KIF6: variants seen among roughly 807,000 people sequenced by gnomAD.
The protein encoded by KIF6 is kinesin-like protein KIF6.
Under a neutral mutation model 112.7 loss-of-function variants are expected in KIF6, and 106 were observed. The ratio of observed to expected loss-of-function variants is 0.94; its 90% CI spans 0.80 to 1.11. The LOEUF (loss-of-function observed/expected upper bound fraction) is 1.11. KIF6 is among the 50% of genes least tolerant of loss of function. The probability of loss-of-function intolerance (pLI) is 0.00; values close to 1 mark genes in which losing one functional copy is unlikely to be tolerated. For synonymous variants in KIF6, 339 were observed against 339.9 expected, an observed-to-expected ratio of 1.00 and a Z score of 0.03; for missense variants, 929 against 964.0, an observed-to-expected ratio of 0.96 and a Z score of 0.48.
chr6:39,638,151 A>G (rs1003873204), intron 4 of KIF6, among the ~76,000 whole-genome samples: 1 of 152,068 alleles, frequency 6.6e-6, no homozygotes, highest in Non-Finnish European at 1.5e-5. Flanking sequence ...ATTAATATCC[A>G]TATGTGGATA....
At chr6:39,631,464 C>T (rs1029347475) in intron 5 of KIF6, among the ~76,000 whole-genome samples, 2 of 152,002 alleles carry the variant, frequency 1.3e-5, no homozygotes, top group Non-Finnish European at 2.9e-5. Context: ...CTCCTTATTT[C>T]TAACTTGTTT....
intron 9 of KIF6, among the ~76,000 whole-genome samples, chr6:39,580,676 T>C (rs1781237177): frequency 6.6e-6 from 1 of 152,216 alleles, no homozygotes; most frequent in African/African-American, 2.4e-5. Context: ...ATGAATCATA[T>C]TAATTCATGT....
At chr6:39,488,655 T>G (rs1775281202) in intron 13 of KIF6, among the ~76,000 whole-genome samples, 1 of 152,220 alleles carries the variant, frequency 6.6e-6, no homozygotes, top group Admixed American at 6.5e-5. Flanking sequence ...TGGCACTCAG[T>G]ATGCAATTGG....
chr6:39,449,624 T>A (rs1311752951), intron 13 of KIF6, among the ~76,000 whole-genome samples: 1 of 152,208 alleles, frequency 6.6e-6, no homozygotes, highest in African/African-American at 2.4e-5. Flanking sequence ...CATGTATGTA[T>A]GTATTGTATG....
intron 10 of KIF6, among the ~76,000 whole-genome samples, chr6:39,556,663 G>T (rs564410649): frequency 7.5e-6 from 1 of 133,942 alleles, no homozygotes; most frequent in Non-Finnish European, 1.5e-5. Flanking sequence ...GGTTAGGAAG[G>T]TGGGAAAGGT....
chr6:39,534,538 G>T (rs1368558803), intron 13 of KIF6, among the ~76,000 whole-genome samples: 1 of 152,152 alleles, frequency 6.6e-6, no homozygotes, highest in Non-Finnish European at 1.5e-5. Flanking sequence ...AATGATCAAA[G>T]CCTCCAAGAA....
chr6:39,669,430 A>C (rs1037061428), intron 3 of KIF6, among the ~76,000 whole-genome samples: 1 of 152,248 alleles, frequency 6.6e-6, no homozygotes, highest in Admixed American at 6.5e-5. Context: ...AGAAGTTAAA[A>C]GCTGACCTGC....
At chr6:39,614,894 C>T (rs1388692785) in intron 5 of KIF6, among the ~76,000 whole-genome samples, 1 of 152,124 alleles carries the variant, frequency 6.6e-6, no homozygotes, top group African/African-American at 2.4e-5. Context: ...TAAATTAAAT[C>T]CCTAGAGACA....
At chr6:39,592,502 T>C (rs1057225559) in intron 7 of KIF6, among the ~76,000 whole-genome samples, 4 of 152,240 alleles carry the variant, frequency 2.6e-5, no homozygotes, top group African/African-American at 9.6e-5. Flanking sequence ...AATAAATGGC[T>C]GAAGGCAACT....
intron 18 of KIF6, 28 bp from the exon 19 acceptor site, chr6:39,357,402 T>C (rs893806515): frequency 7.1e-7 from 1 of 1,416,792 alleles, no homozygotes. Context: ...AGTTTCACAG[T>C]GTTAGCTTGA....
intron 13 of KIF6, among the ~76,000 whole-genome samples, chr6:39,530,265 C>T (rs935806994): frequency 1.3e-5 from 2 of 152,168 alleles, no homozygotes; most frequent in Non-Finnish European, 2.9e-5. Context: ...ATGCCAATGG[C>T]ATCATCTGTG....
Position 39,540,221 on chromosome 6 carries a change from T to C in KIF6, c.1427A>G (p.Asn476Ser). 1 of 1,596,220 alleles carries C rather than the reference T, an allele frequency of 6.3e-7. No homozygotes were observed. The highest frequency in any genetic ancestry group is 8.5e-7 in the Non-Finnish European group (1 of 1,170,432). Reference sequence around the variant, plus strand: ...TTTTTTTAACATGTTGACCAGGATATCTGAAACTTGACTTAAGGATTTAAT... The same window carrying C: ...TTTTTTTAACATGTTGACCAGGATACCTGAAACTTGACTTAAGGATTTAAT... ...DILKQRDNEI[N>S]ILVNMLKKEK... The change falls in exon 13 of 23, where the codon AAT becomes AGT. Residue 476 changes from asparagine (N) to serine (S), a missense_variant and splice_region_variant. Asn to Ser is a conservative substitution (Grantham distance 46). Around this residue, in one of 2 missense-constraint regions of KIF6, gnomAD observed 688 missense variants for 662.7 expected, o/e 1.04. Transcript: ENST00000287152.
chr6:39,641,371 A>T (rs142118355), intron 3 of KIF6, among the ~76,000 whole-genome samples: 3,017 of 152,156 alleles, frequency 0.02, 98 homozygotes, highest in African/African-American at 0.069. Flanking sequence ...GGAAACCATC[A>T]TTCTCAGCAA....
At chr6:39,424,304 C>T (rs1051935830) in intron 14 of KIF6, among the ~76,000 whole-genome samples, 1 of 152,200 alleles carries the variant, frequency 6.6e-6, no homozygotes, top group African/African-American at 2.4e-5. Flanking sequence ...ACATGACACC[C>T]CCAGGTGCTC....
intron 3 of KIF6, among the ~76,000 whole-genome samples, chr6:39,680,787 G>A (rs1211752090): frequency 6.6e-6 from 1 of 152,210 alleles, no homozygotes; most frequent in African/African-American, 2.4e-5. Flanking sequence ...AGCTACAGAA[G>A]TGGTGCTACC....
intron 14 of KIF6, among the ~76,000 whole-genome samples, chr6:39,424,032 C>T (rs890327509): frequency 1.3e-5 from 2 of 152,068 alleles, no homozygotes; most frequent in South Asian, 2.1e-4. Flanking sequence ...GGAGAAAGTC[C>T]GGATTCCCTA....
At position 39,613,278 on chromosome 6, in the gene KIF6, G is replaced by A. The variant is rs758319441; in HGVS notation, c.550C>T (p.Leu184=). The part of the protein sequence containing the change: ...ILEDPDQNIH[L]KNLTLHQATT... ...GCCTGATGGAGAGTCAAGTTTTTCA[G>A]GTGAATGTTCTGATCAGGATCCTCC... Residue 184 remains leucine (L), a synonymous_variant, in exon 6 of 23, where the codon CTG becomes TTG. Transcript: ENST00000287152. 3 of 1,608,168 alleles carry A rather than the reference G, an allele frequency of 1.9e-6. No homozygotes were observed. Among genetic ancestry groups the A allele is most frequent in the South Asian group, 2.2e-5 (2 of 90,112 alleles).
intron 3 of KIF6, among the ~76,000 whole-genome samples, chr6:39,657,909 A>C (rs961979758): frequency 9.9e-5 from 15 of 151,174 alleles, no homozygotes; most frequent in Admixed American, 2.0e-4. Flanking sequence ...GATCTCAACA[A>C]GATGCCTAAA....
intron 3 of KIF6, among the ~76,000 whole-genome samples, chr6:39,695,900 T>C (rs1348749264): frequency 6.6e-6 from 1 of 152,142 alleles, no homozygotes; most frequent in East Asian, 1.9e-4. Flanking sequence ...TCAACACAGG[T>C]GCCCATCAAC....
Sources: gnomAD v4.1 joint callset for allele counts (sites outside exome capture counted in the v4.1 genomes callset) on GRCh38, gnomAD v4.1.1 for gene constraint, gnomAD v4.1.1 regional missense constraint, MANE v1.5 for transcripts, NCBI Gene and HGNC (gene_info 2026-07-23, HGNC 2026-07-21) for gene names.